ALS2CL: variants seen among roughly 807,000 people sequenced by gnomAD.
ALS2CL encodes ALS2 C-terminal like, also known as ALS2 C-terminal-like protein.
In ALS2CL, 112 loss-of-function variants were observed where a neutral mutation model predicts 127.9. The ratio of observed to expected loss-of-function variants is 0.88; its 90% confidence interval spans 0.75 to 1.02. The LOEUF is 1.02. Ranked by LOEUF, ALS2CL falls within the 50% of genes least tolerant of loss-of-function variation. The pLI is 0.00. For synonymous variants in ALS2CL, 519 were observed against 527.6 expected, an observed-to-expected ratio of 0.98 and a Z score of 0.22; for missense variants, 1,174 against 1,236.7, an observed-to-expected ratio of 0.95 and a Z score of 0.76.
chr3:46,680,615 G>A (rs1485232746), intron 13 of ALS2CL, 74 bp from the exon 14 acceptor site: 24 of 1,370,774 alleles, frequency 1.8e-5, no homozygotes, highest in Admixed American at 5.3e-5. Context: ...CTGCTGGCAC[G>A]GGGCGGCAGG....
intron 2 of ALS2CL, 94 bp from the exon 3 acceptor site, chr3:46,688,390 C>A (rs1699944707): frequency 8.5e-7 from 1 of 1,174,694 alleles, no homozygotes; most frequent in Non-Finnish European, 1.2e-6. Context: ...ATGAGAGCCA[C>A]CAGCACCGGC....
At chr3:46,672,329 C>A in intron 22 of ALS2CL, 128 bp from the exon 23 acceptor site, 1 of 1,188,374 alleles carries the variant, frequency 8.4e-7, no homozygotes, top group Non-Finnish European at 1.2e-6. Context: ...GCAGCCCCAC[C>A]CTGAGGGCTG....
At chr3:46,688,479 AAGGGC>A (rs1427115818) in intron 2 of ALS2CL, among the ~76,000 whole-genome samples, 183 bp from the exon 3 acceptor site, 1 of 152,174 alleles carries the variant, frequency 6.6e-6, no homozygotes, top group East Asian at 1.9e-4. Flanking sequence ...TGAGCAGGGG[AAGGGC>A]AGGCTGGAGC....
intron 13 of ALS2CL, chr3:46,680,955 C>T (rs1387536648): frequency 7.0e-6 from 4 of 570,746 alleles, no homozygotes; most frequent in African/African-American, 1.9e-5. Context: ...CTTTATCACA[C>T]AGCCCAGAGA....
At chr3:46,689,524 C>T (rs1700028934) in intron 1 of ALS2CL, 59 bp from the exon 2 acceptor site, 2 of 1,198,334 alleles carry the variant, frequency 1.7e-6, no homozygotes, top group Admixed American at 4.9e-5. Context: ...CAGTGCCCAT[C>T]CTCTCAGGCA....
chr3:46,677,134 AG>A (rs1698917920), intron 16 of ALS2CL, 112 bp from the exon 17 acceptor site: 1 of 1,481,706 alleles, frequency 6.7e-7, no homozygotes. Context: ...CCCAGGATCA[AG>A]CCCCAAGAAG....
At position 46,676,294 on chromosome 3, in the gene ALS2CL, C is replaced by T. The variant is rs189714038; in HGVS notation, c.2137G>A (p.Ala713Thr). The T allele has an allele frequency of 2.5e-5, 41 of 1,613,722 alleles. No individual in the cohort carries two copies. In the East Asian group the frequency reaches 3.8e-4, roughly 15 times the overall value. ...VGANKHLQEL[A>T]QEEVKQHAQE... ...GCATGCTGCTTCACCTCCTCCTGGG[C>T]CAGCTCCTGCAGGTGCTTGTTGGCC... The change falls in exon 19 of 26, where the codon GCC becomes ACC. Residue 713 changes from alanine (A) to threonine (T), a missense_variant. Coordinates refer to ENST00000318962, the MANE Select transcript of ALS2CL (RefSeq NM_147129.5).
rs1698323475 is a variant in ALS2CL at position 46,670,834 on chromosome 3, G to C, written c.*150C>G. On this transcript the variant is annotated 3_prime_UTR_variant, in exon 26 of 26. Coordinates refer to ENST00000318962, the MANE Select transcript of ALS2CL (RefSeq NM_147129.5). The surrounding 1 kb of genome is among the most constrained non-coding windows in gnomAD (Gnocchi z 5.5). ...TCACCCCTCACCCTCATCCCAGTCA[G>C]GGCAGCAGCAGCATCTTCCTGTGCA... 4 of 791,346 alleles carry C rather than the reference G, an allele frequency of 5.1e-6. No homozygotes were observed. The highest frequency in any genetic ancestry group is 8.3e-6 in the Non-Finnish European group (4 of 482,520). The allele number at this position is 791,346 out of a possible 1,614,324, so 49.0% of individuals were successfully genotyped here.
Position 46,688,284 on chromosome 3 carries a change from G to C in ALS2CL, c.116C>G (p.Ser39Trp). ...CAGGCACTCTCTGCCCCAGGGATCC[G>C]AGGGATCTGGGGCTGGGGAAGGAGT... ...QPLLPAAPDP[S>W]DPWGRECLRL... The change falls in exon 3 of 26, where the codon TCG (serine) becomes TGG (tryptophan). Residue 39 changes from serine to tryptophan, a missense_variant. Ser to Trp is a radical substitution (Grantham distance 177). Coordinates refer to ENST00000318962, the MANE Select transcript of ALS2CL (RefSeq NM_147129.5). 3 of 1,612,590 alleles carry C rather than the reference G, an allele frequency of 1.9e-6. No homozygotes were observed. The highest frequency in any genetic ancestry group is 2.5e-6 in the Non-Finnish European group (3 of 1,179,892).
In ALS2CL at chr3:46,681,393, T is replaced by C; in HGVS notation, c.1289A>G (p.Glu430Gly). Residue 430 changes from glutamate to glycine, a missense_variant, in exon 13 of 26, where the codon GAG (glutamate) becomes GGG (glycine). Coordinates refer to ENST00000318962, the MANE Select transcript of ALS2CL (RefSeq NM_147129.5). The surrounding 1 kb of genome is among the most constrained non-coding windows in gnomAD (Gnocchi z 4.9). ...GYGICEYSTD[E>G]VYKGYFQEGL... ...CTCCTGGAAGTAGCCCTTGTACACCTCGTCGGTGCTGTACCTGGGGAGGGC... is the reference window on the plus strand; with the variant it reads ...CTCCTGGAAGTAGCCCTTGTACACCCCGTCGGTGCTGTACCTGGGGAGGGC... The C allele has an allele frequency of 6.2e-7, 1 of 1,605,738 alleles. No homozygotes were observed. The highest frequency in any genetic ancestry group is 8.5e-7 in the Non-Finnish European group (1 of 1,173,614).
chr3:46,673,707 T>C (rs2106688650), intron 21 of ALS2CL, among the ~76,000 whole-genome samples: 1 of 152,226 alleles, frequency 6.6e-6, no homozygotes, highest in South Asian at 2.1e-4. Context: ...GCAGCCCTCA[T>C]GCAGCAGAGG....
At chr3:46,690,726 C>G (rs1285672693) in intron 1 of ALS2CL, among the ~76,000 whole-genome samples, 1 of 152,226 alleles carries the variant, frequency 6.6e-6, no homozygotes, top group Non-Finnish European at 1.5e-5. Context: ...GTTAGCCAAC[C>G]TGTGTGGGGC....
chr3:46,683,165 G>A lies in ALS2CL; in HGVS notation c.1074C>T (p.Tyr358=), dbSNP rs113782470. The A allele has an allele frequency of 2.2e-5, 36 of 1,602,372 alleles. No individual in the cohort carries two copies. Among genetic ancestry groups the A allele is most frequent in the African/African-American group, 1.7e-4 (13 of 74,550 alleles). Reference sequence around the variant, plus strand: ...GCCGGCCCCTGCACCACTCGCCCTCGTAGGTGGCCTGGCAGAGCCGGCCCT... The same window carrying A: ...GCCGGCCCCTGCACCACTCGCCCTCATAGGTGGCCTGGCAGAGCCGGCCCT... ...QAEGRLCQAT[Y]EGEWCRGRPH... is the part of the protein sequence containing the mutation. The change falls in exon 10 of 26, where the codon TAC becomes TAT. Residue 358 remains tyrosine (Y), a synonymous_variant. Transcript: ENST00000318962.
intron 2 of ALS2CL, 99 bp downstream of exon 2, chr3:46,689,239 T>G: frequency 9.6e-5 from 122 of 1,265,902 alleles, no homozygotes; most frequent in African/African-American, 1.3e-4. Flanking sequence ...TATTTGAGGT[T>G]GAGAAAGCTG....
chr3:46,689,342 T>C lies in ALS2CL; in HGVS notation c.99A>G (p.Pro33=), dbSNP rs772248674. Residue 33 remains proline, a synonymous_variant, in exon 2 of 26, where the codon CCA becomes CCG. Transcript: ENST00000318962. ...VNSLVLQPLL[P]AAPDPSDPWG... is the part of the protein sequence containing the mutation. ...CACTAGAAAGCCTAGACTCACCGGCTGGGAGCAGGGGCTGGAGGACAAGGC... is the reference window on the plus strand; with the variant it reads ...CACTAGAAAGCCTAGACTCACCGGCCGGGAGCAGGGGCTGGAGGACAAGGC... The C allele has an allele frequency of 6.2e-7, 1 of 1,612,890 alleles. No homozygotes were observed. Among genetic ancestry groups the C allele is most frequent in the South Asian group, 1.1e-5 (1 of 90,900 alleles).
At chr3:46,675,525 C>T (rs1291305320) in intron 20 of ALS2CL, 93 bp downstream of exon 20, 12 of 1,235,224 alleles carry the variant, frequency 9.7e-6, no homozygotes, top group Non-Finnish European at 1.4e-5. Flanking sequence ...AGCACTTCCC[C>T]AGAAGCACCT....
chr3:46,687,703 A>T lies in ALS2CL; in HGVS notation c.303-19T>A. On this transcript the variant is annotated intron_variant, in intron 3 of 25. Coordinates refer to ENST00000318962, the MANE Select transcript of ALS2CL (RefSeq NM_147129.5). ...AATGTACCTGCAGGCAGCACAGGGG[A>T]CACCCTGCAAACCCAGTCCTCAGCC... 6.2e-7 allele frequency: 1 copy of T among 1,606,966 alleles called. No homozygotes were observed. Among genetic ancestry groups the T allele is most frequent in the African/African-American group, 1.3e-5 (1 of 74,882 alleles).
chr3:46,683,385 G>A (rs2106728080), intron 9 of ALS2CL, 59 bp from the exon 10 acceptor site: 1 of 1,497,922 alleles, frequency 6.7e-7, no homozygotes, highest in Non-Finnish European at 9.1e-7. Flanking sequence ...TTCCCTCCAG[G>A]AAGCCTTCTG....
rs1698282348 is a variant in ALS2CL at position 46,670,198 on chromosome 3, T to C, written c.*786A>G. 6.6e-6 allele frequency: 1 copy of C among 152,192 alleles called. No homozygotes were observed. Among genetic ancestry groups the C allele is most frequent in the African/African-American group, 2.4e-5 (1 of 41,424 alleles). 9.4% of individuals were successfully genotyped at this position (152,192 alleles called of 1,614,324 possible). The stretch of plus-strand genomic sequence containing the variant: ...CCCAAGACCCAGCTCCTGCCTCTCT[T>C]GGTCCCACACTAGAACCACTGTTTA... On this transcript the variant is annotated 3_prime_UTR_variant, in exon 26 of 26. Transcript: ENST00000318962. The surrounding 1 kb of genome is among the most constrained non-coding windows in gnomAD (Gnocchi z 5.5).
Sources: allele counts gnomAD v4.1 joint callset (sites outside exome capture counted in the v4.1 genomes callset), GRCh38; gene constraint gnomAD v4.1.1; non-coding constraint Gnocchi (gnomAD v3.1); transcripts MANE v1.5; gene names NCBI Gene and HGNC (gene_info 2026-07-23, HGNC 2026-07-21).